Variants in ZNF678 observed in about 807,000 individuals in gnomAD.
The protein encoded by ZNF678 is hypothetical protein MGC42493.
Under a neutral mutation model 3.0 loss-of-function variants are expected in ZNF678, and 5 were observed. That is an observed-to-expected ratio of 1.69 (90% CI 0.88 to 3.56). The LOEUF is 3.56. Among genes scored for constraint, ZNF678 ranks in the 30% most tolerant of loss-of-function variants. ZNF678 has a pLI of 0.00. For missense variants in ZNF678, 593 were observed against 605.0 expected (o/e 0.98, Z 0.21); for synonymous variants, 218 against 199.6 (o/e 1.09, Z -0.78).
chr1:227,633,691 G>A (rs997996478), intron 1 of ZNF678, among the ~76,000 whole-genome samples: 2 of 152,210 alleles, frequency 1.3e-5, no homozygotes, highest in African/African-American at 2.4e-5. Flanking sequence ...CTAGCCAGAA[G>A]GGAATTTCTG....
At chr1:227,672,831 A>C (rs187212992) in intron 5 of ZNF678, among the ~76,000 whole-genome samples, 2 of 152,268 alleles carry the variant, frequency 1.3e-5, no homozygotes, top group Non-Finnish European at 2.9e-5. Context: ...ACCTGGGACA[A>C]AAACCCCTGC....
chr1:227,666,718 TTTTTC>T (rs888635265), downstream of ZNF678, among the ~76,000 whole-genome samples: 12 of 151,374 alleles, frequency 7.9e-5, no homozygotes, highest in Non-Finnish European at 1.2e-4. Context: ...CGCTCTCTCC[TTTTTC>T]TTTTCTTTTC....
At chr1:227,620,641 G>T (rs1658258100) in intron 1 of ZNF678, among the ~76,000 whole-genome samples, 1 of 152,164 alleles carries the variant, frequency 6.6e-6, no homozygotes, top group Non-Finnish European at 1.5e-5. Flanking sequence ...TTAAAAGCAG[G>T]TTTTTAAAGA....
intron 1 of ZNF678, chr1:227,598,905 C>A: frequency 1.4e-6 from 1 of 711,988 alleles, no homozygotes; most frequent in South Asian, 1.4e-5. Context: ...CTCTCACTTC[C>A]ACTTAACAAT....
chr1:227,634,116 C>T (rs910603048), intron 1 of ZNF678, among the ~76,000 whole-genome samples: 4 of 152,184 alleles, frequency 2.6e-5, no homozygotes, highest in Admixed American at 2.6e-4. Context: ...TTTCTATACA[C>T]CCGCTGGGCC....
chr1:227,647,958 T>C (rs2102798378), intron 2 of ZNF678, among the ~76,000 whole-genome samples: 1 of 152,360 alleles, frequency 6.6e-6, no homozygotes, highest in Admixed American at 6.5e-5. Context: ...TATTTTCAGC[T>C]TTATGATTTT....
intron 5 of ZNF678, among the ~76,000 whole-genome samples, chr1:227,674,706 G>A (rs1426848429): frequency 6.6e-6 from 1 of 150,816 alleles, no homozygotes; most frequent in Non-Finnish European, 1.5e-5. Flanking sequence ...GGGTTCAAGC[G>A]ATTCTCCTGC....
At chr1:227,643,863 C>CTTTTTTTTTTTTTTTTT (rs554280668) in intron 1 of ZNF678, among the ~76,000 whole-genome samples, 6 of 115,426 alleles carry the variant, frequency 5.2e-5, no homozygotes, top group Admixed American at 9.8e-5. Flanking sequence ...CTTTTCTTTT[C>CTTTTTTTTTTTTTTTTT]TTTTTTTTTT....
intron 2 of ZNF678, 87 bp from the exon 3 acceptor site, chr1:227,650,869 G>A: frequency 3.1e-6 from 3 of 958,616 alleles, no homozygotes; most frequent in Non-Finnish European, 4.6e-6. Flanking sequence ...ATAAGATAAT[G>A]TCATCAACAA....
At chr1:227,610,518 T>C (rs1490950322) in intron 1 of ZNF678, among the ~76,000 whole-genome samples, 1 of 152,156 alleles carries the variant, frequency 6.6e-6, no homozygotes, top group Non-Finnish European at 1.5e-5. Flanking sequence ...ACCAGTCTTG[T>C]TGTGCCCATG....
chr1:227,583,261 A>G (rs1657175621), intron 1 of ZNF678, among the ~76,000 whole-genome samples: 1 of 151,962 alleles, frequency 6.6e-6, no homozygotes, highest in Admixed American at 6.6e-5. Context: ...ATATTTATGA[A>G]CCCCTACTAT....
intron 1 of ZNF678, among the ~76,000 whole-genome samples, chr1:227,582,175 G>A (rs997235157): frequency 1.3e-5 from 2 of 150,648 alleles, no homozygotes; most frequent in Middle Eastern, 3.5e-3. Flanking sequence ...ATATACACAC[G>A]CACACACACA....
intron 1 of ZNF678, among the ~76,000 whole-genome samples, chr1:227,635,969 G>A (rs145705322): frequency 1.8e-4 from 28 of 152,248 alleles, no homozygotes; most frequent in East Asian, 7.7e-4. Flanking sequence ...ATGGGGTGGC[G>A]TGGGCATCTT....
At chr1:227,640,345 G>T (rs1658788463) in intron 1 of ZNF678, among the ~76,000 whole-genome samples, 1 of 152,076 alleles carries the variant, frequency 6.6e-6, no homozygotes, top group Non-Finnish European at 1.5e-5. Context: ...AAGGAGGCTT[G>T]GGGGGTTAAA....
At chr1:227,575,492 C>G (rs945539902) in intron 1 of ZNF678, among the ~76,000 whole-genome samples, 4 of 152,100 alleles carry the variant, frequency 2.6e-5, no homozygotes, top group Admixed American at 6.6e-5. Context: ...GGATGTTACT[C>G]TTTTTTGTGG....
At chr1:227,602,615 A>T (rs914983091) in intron 1 of ZNF678, among the ~76,000 whole-genome samples, 1 of 152,248 alleles carries the variant, frequency 6.6e-6, no homozygotes, top group Non-Finnish European at 1.5e-5. Context: ...CTGCAGAAAT[A>T]GTATCTGAAT....
intron 1 of ZNF678, among the ~76,000 whole-genome samples, chr1:227,593,663 T>G (rs1287007176): frequency 6.6e-6 from 1 of 152,166 alleles, no homozygotes; most frequent in Non-Finnish European, 1.5e-5. Context: ...TTAAATGCAA[T>G]AGTTTGAGGT....
chr1:227,623,490 C>T (rs1658330514), intron 1 of ZNF678, among the ~76,000 whole-genome samples: 1 of 152,158 alleles, frequency 6.6e-6, no homozygotes, highest in Admixed American at 6.5e-5. Flanking sequence ...TGAAAATGTT[C>T]CATACATGTG....
In ZNF678 at chr1:227,656,077, G is replaced by T; in HGVS notation, c.*249G>T. ...TTATTCAACTTTAGAGGATTTTACG[G>T]GGGCAAAAAACCTCCTACAAATGTG... On this transcript the variant is annotated 3_prime_UTR_variant, in exon 4 of 4. Transcript: ENST00000343776. 1 of 304,954 alleles carries T rather than the reference G, an allele frequency of 3.3e-6. No homozygotes were observed. The highest frequency in any genetic ancestry group is 5.9e-6 in the Non-Finnish European group (1 of 170,454). 18.9% of individuals were successfully genotyped at this position (304,954 alleles called of 1,614,324 possible).
Sources: gnomAD v4.1 joint callset for allele counts (sites outside exome capture counted in the v4.1 genomes callset) on GRCh38, gnomAD v4.1.1 for gene constraint, MANE v1.5 for transcripts, NCBI Gene and HGNC (gene_info 2026-07-23, HGNC 2026-07-21) for gene names.